The following SNTG1 variants were observed in gnomAD, a reference collection of about 807,000 sequenced individuals.
The protein encoded by SNTG1 is syntrophin gamma 1.
In SNTG1, 39 loss-of-function variants were observed where a neutral mutation model predicts 74.7. The observed-to-expected ratio is 0.52, with a 90% CI of 0.40 to 0.68. The LOEUF (loss-of-function observed/expected upper bound fraction) is 0.68, where lower values mean the gene tolerates loss of function less well. Among genes scored for constraint, SNTG1 ranks in the 30% least tolerant of loss-of-function variants. The pLI is 0.00. For synonymous variants in SNTG1, 254 were observed against 217.1 expected (o/e 1.17, Z -1.49); for missense variants, 685 against 609.5 (o/e 1.12, Z -1.30).
chr8:50,780,819 C>T (rs2095657078), intron 18 of SNTG1, among the ~76,000 whole-genome samples: 1 of 152,034 alleles, frequency 6.6e-6, no homozygotes, highest in Non-Finnish European at 1.5e-5. Flanking sequence ...TGGATCTTTC[C>T]TGCTTTCTCT....
At chr8:50,590,826 T>A in intron 12 of SNTG1, 53 bp from the exon 13 acceptor site, 1 of 1,221,112 alleles carries the variant, frequency 8.2e-7, no homozygotes, top group Non-Finnish European at 1.2e-6. Flanking sequence ...TCTGGGGACC[T>A]TGTGTTACCA....
intron 8 of SNTG1, among the ~76,000 whole-genome samples, chr8:50,472,959 C>T (rs2093665123): frequency 6.6e-6 from 1 of 152,046 alleles, no homozygotes; most frequent in Non-Finnish European, 1.5e-5. Context: ...TAGGGAAATT[C>T]AAATCAAAAC....
At position 50,331,341 on chromosome 8, in the gene SNTG1, G is replaced by A. The variant is rs555710899; in HGVS notation, c.-27-62871G>A. On this transcript the variant is annotated intron_variant, in intron 2 of 18. Coordinates refer to ENST00000642720, the MANE Select transcript of SNTG1 (RefSeq NM_018967.5). Reference sequence around the variant, plus strand: ...CTGATTTTGACTGAGGGAATCAGAAGAAAAATCTCTGATACAGTTTGCATG... The same window carrying A: ...CTGATTTTGACTGAGGGAATCAGAAAAAAAATCTCTGATACAGTTTGCATG... Among the ~76,000 whole-genome samples, 20 of 152,238 alleles carry A rather than the reference G, an allele frequency of 1.3e-4. No individual in the cohort carries two copies. The East Asian group carries it at 3.9e-3, about 29-fold the overall frequency.
At position 50,502,113 on chromosome 8, in the gene SNTG1, G is replaced by A. The variant is rs894738497; in HGVS notation, c.364-665G>A. On this transcript the variant is annotated intron_variant, in intron 8 of 18. Transcript: ENST00000642720. ...TTACTAATTCTGTATTTTAAAAAAT[G>A]TTGAGAGTTATTGATAATAACAGAC... Among the ~76,000 whole-genome samples, 6 of 152,162 alleles carry A rather than the reference G, an allele frequency of 3.9e-5. No individual in the cohort carries two copies. The East Asian group carries it at 5.8e-4, about 15-fold the overall frequency.
intron 9 of SNTG1, among the ~76,000 whole-genome samples, chr8:50,525,729 T>A (rs959797892): frequency 6.6e-6 from 1 of 152,090 alleles, no homozygotes; most frequent in Admixed American, 6.6e-5. Context: ...ATTTTTGACA[T>A]TTTCAGTTCA....
At chr8:50,376,744 T>TAGAGAGAG (rs1366560448) in intron 2 of SNTG1, among the ~76,000 whole-genome samples, 1 of 112,910 alleles carries the variant, frequency 8.9e-6, no homozygotes, top group South Asian at 3.0e-4. Flanking sequence ...TATATATATA[T>TAGAGAGAG]ATATATATAT....
rs533194285 is a variant in SNTG1 at position 50,188,878 on chromosome 8, C to A, written c.-28+16243C>A. 2.0e-5 allele frequency among the ~76,000 whole-genome samples: 3 copies of A among 152,262 alleles called. No homozygotes were observed. In the South Asian group the frequency reaches 6.2e-4, roughly 32 times the overall value. On this transcript the variant is annotated intron_variant, in intron 2 of 18. Transcript: ENST00000642720. The stretch of plus-strand genomic sequence containing the variant: ...GACTCACCTGTAGCAACCCTCTCTG[C>A]CACTGACATTTCAAGTTCCCTGAGG...
At chr8:50,561,118 G>C (rs371714173) in intron 12 of SNTG1, among the ~76,000 whole-genome samples, 3 of 152,242 alleles carry the variant, frequency 2.0e-5, no homozygotes, top group African/African-American at 2.4e-5. Context: ...GATCATGGGA[G>C]TGGTTTCCCC....
At chr8:50,399,415 A>T (rs1373120350) in intron 3 of SNTG1, among the ~76,000 whole-genome samples, 2 of 152,180 alleles carry the variant, frequency 1.3e-5, no homozygotes, top group Non-Finnish European at 2.9e-5. Flanking sequence ...ATTAAATGAG[A>T]ACACCCTGAT....
intron 13 of SNTG1, among the ~76,000 whole-genome samples, chr8:50,604,534 TA>T (rs1224515008): frequency 6.6e-6 from 1 of 152,192 alleles, no homozygotes; most frequent in Non-Finnish European, 1.5e-5. Context: ...CTCCCCTTTT[TA>T]CAGGCAGGGG....
At chr8:50,553,497 A>G (rs2094438922) in intron 12 of SNTG1, among the ~76,000 whole-genome samples, 1 of 152,190 alleles carries the variant, frequency 6.6e-6, no homozygotes, top group African/African-American at 2.4e-5. Context: ...GGGTTTCAAG[A>G]CAGCATTATT....
At chr8:49,931,270 A>T (rs1807563456) in intron 1 of SNTG1, among the ~76,000 whole-genome samples, 1 of 152,208 alleles carries the variant, frequency 6.6e-6, no homozygotes, top group Non-Finnish European at 1.5e-5. Flanking sequence ...TTATTTATTA[A>T]ATTGGAATAT....
intron 2 of SNTG1, among the ~76,000 whole-genome samples, chr8:50,363,047 G>T (rs751125729): frequency 6.6e-5 from 10 of 152,026 alleles, no homozygotes; most frequent in Non-Finnish European, 1.3e-4. Flanking sequence ...TTAAAAAAAA[G>T]AAAGAAATTC....
intron 17 of SNTG1, among the ~76,000 whole-genome samples, chr8:50,739,498 A>G (rs1319135330): frequency 1.3e-5 from 2 of 152,102 alleles, no homozygotes; most frequent in African/African-American, 2.4e-5. Context: ...TGTGGAAGAC[A>G]CTATGGCAAT....
intron 2 of SNTG1, among the ~76,000 whole-genome samples, chr8:50,212,266 T>A (rs1184991880): frequency 1.3e-5 from 2 of 152,194 alleles, no homozygotes; most frequent in African/African-American, 2.4e-5. Context: ...CCTGTGTTCA[T>A]CCAGTTCCAG....
rs534624290 is a variant in SNTG1, at chr8:50,024,200, A to G, written c.-103+111969A>G. ...TATCCCAACTATTAAGAGAAACCTT[A>G]TCATGGAATCAGTTTGGAATTTAAG... is the stretch of plus-strand genomic sequence containing the variant. On this transcript the variant is annotated intron_variant, in intron 1 of 18. Coordinates refer to ENST00000642720, the MANE Select transcript of SNTG1 (RefSeq NM_018967.5). Among the ~76,000 whole-genome samples, 5 of 152,294 alleles carry G rather than the reference A, an allele frequency of 3.3e-5. No individual in the cohort carries two copies. The East Asian group carries it at 7.7e-4, about 24-fold the overall frequency.
chr8:50,184,035 A>AT (rs947699392), intron 2 of SNTG1, among the ~76,000 whole-genome samples: 3 of 149,918 alleles, frequency 2.0e-5, no homozygotes, highest in South Asian at 2.2e-4. Flanking sequence ...ATTGGATTCC[A>AT]TTTTTTTTCC....
At chr8:50,623,491 A>G (rs1188330018) in intron 13 of SNTG1, among the ~76,000 whole-genome samples, 1 of 152,138 alleles carries the variant, frequency 6.6e-6, no homozygotes, top group Non-Finnish European at 1.5e-5. Flanking sequence ...ATGAAGTTCT[A>G]GAATAGGAAG....
At chr8:50,421,853 A>G (rs2131462156) in intron 4 of SNTG1, among the ~76,000 whole-genome samples, 1 of 152,306 alleles carries the variant, frequency 6.6e-6, no homozygotes, top group East Asian at 1.9e-4. Flanking sequence ...AGTAAGTAAT[A>G]AAAGCTTATA....
Sources: allele counts gnomAD v4.1 joint callset (sites outside exome capture counted in the v4.1 genomes callset), GRCh38; gene constraint gnomAD v4.1.1; transcripts MANE v1.5; gene names NCBI Gene and HGNC (gene_info 2026-07-23, HGNC 2026-07-21).